WWOX: variants seen among roughly 807,000 people sequenced by gnomAD.
WWOX encodes the protein WW domain containing oxidoreductase.
A neutral mutation model predicts 46.2 loss-of-function variants in WWOX; 69 were observed. The ratio of observed to expected loss-of-function variants is 1.49; its 90% confidence interval spans 1.23 to 1.82. The LOEUF is 1.82. WWOX is among the 40% of genes most tolerant of loss of function. The pLI is 0.00. For synonymous variants in WWOX, 359 were observed against 202.6 expected (o/e 1.77, Z -6.56); for missense variants, 919 against 542.6 (o/e 1.69, Z -6.89).
intron 8 of WWOX, among the ~76,000 whole-genome samples, chr16:78,543,635 C>A (rs961967630): frequency 6.6e-6 from 1 of 152,188 alleles, no homozygotes; most frequent in Non-Finnish European, 1.5e-5. Flanking sequence ...GCCAAGGGCA[C>A]TTCTCAATAT....
chr16:79,072,448 A>C (rs1026457727), intron 8 of WWOX, among the ~76,000 whole-genome samples: 3 of 152,216 alleles, frequency 2.0e-5, no homozygotes, highest in Non-Finnish European at 4.4e-5. Context: ...CTACTTTGCA[A>C]CATAGACTTG....
chr16:78,215,432 A>T (rs2036688256), intron 5 of WWOX, among the ~76,000 whole-genome samples: 1 of 152,050 alleles, frequency 6.6e-6, no homozygotes, highest in South Asian at 2.1e-4. Flanking sequence ...GTGAGATCTG[A>T]TAGTTTTATA....
intron 8 of WWOX, among the ~76,000 whole-genome samples, chr16:79,143,148 A>T (rs913184936): frequency 1.3e-5 from 2 of 152,228 alleles, no homozygotes; most frequent in African/African-American, 4.8e-5. Flanking sequence ...CTGGTCTTCC[A>T]AATTTAATGC....
At chr16:78,525,730 T>C (rs1484168811) in intron 8 of WWOX, 2 of 151,922 alleles carry the variant, frequency 1.3e-5, no homozygotes, top group African/African-American at 4.8e-5. Context: ...CATAAGCTAC[T>C]AGGGCCACAT....
intron 8 of WWOX, among the ~76,000 whole-genome samples, chr16:78,704,170 C>G (rs571780347): frequency 6.6e-6 from 1 of 151,748 alleles, no homozygotes; most frequent in Admixed American, 6.6e-5. Context: ...GCTGTGTTCC[C>G]TGTGGCAACT....
chr16:78,806,758 A>T (rs1277171650), intron 8 of WWOX, among the ~76,000 whole-genome samples: 1 of 152,112 alleles, frequency 6.6e-6, no homozygotes, highest in Non-Finnish European at 1.5e-5. Flanking sequence ...GACCCACCCC[A>T]ACCAGGTTTG....
At chr16:78,948,262 A>G (rs8062102) in intron 8 of WWOX, among the ~76,000 whole-genome samples, 19,646 of 152,148 alleles carry the variant, frequency 0.13, 1,288 homozygotes, top group Middle Eastern at 0.23. Context: ...ACCACTAGCT[A>G]TTATTTATTT....
At chr16:78,679,555 C>G (rs376138617) in intron 8 of WWOX, among the ~76,000 whole-genome samples, 3 of 151,926 alleles carry the variant, frequency 2.0e-5, no homozygotes, top group East Asian at 1.9e-4. Context: ...CATCTCAAAA[C>G]ATAAGTAAAT....
intron 8 of WWOX, among the ~76,000 whole-genome samples, chr16:78,865,599 C>T (rs895047463): frequency 1.3e-5 from 2 of 152,116 alleles, no homozygotes; most frequent in Non-Finnish European, 2.9e-5. Flanking sequence ...TGTGGCCGGC[C>T]AGGTGCAGTG....
intron 8 of WWOX, among the ~76,000 whole-genome samples, chr16:78,678,263 C>G (rs1388485980): frequency 6.6e-6 from 1 of 152,140 alleles, no homozygotes; most frequent in African/African-American, 2.4e-5. Context: ...GTAATCCTGG[C>G]TACTCAGGAG....
At chr16:78,107,021 A>G (rs560361278) in intron 1 of WWOX, among the ~76,000 whole-genome samples, 16 of 152,334 alleles carry the variant, frequency 1.1e-4, no homozygotes, top group African/African-American at 3.8e-4. Flanking sequence ...CAGTTCATGA[A>G]AAGACCTTGC....
intron 8 of WWOX, among the ~76,000 whole-genome samples, chr16:78,619,378 AG>A (rs2046120643): frequency 7.2e-6 from 1 of 138,922 alleles, no homozygotes; most frequent in African/African-American, 2.7e-5. Context: ...AAAAAAAAAA[AG>A]TGTAATGCAA....
chr16:78,317,067 G>A (rs1336627867), intron 5 of WWOX, among the ~76,000 whole-genome samples: 1 of 152,186 alleles, frequency 6.6e-6, no homozygotes, highest in Non-Finnish European at 1.5e-5. Flanking sequence ...GGCCAGTGGT[G>A]GGATAAGGGA....
At chr16:78,328,171 G>C (rs1682547790) in intron 5 of WWOX, among the ~76,000 whole-genome samples, 1 of 152,070 alleles carries the variant, frequency 6.6e-6, no homozygotes, top group Non-Finnish European at 1.5e-5. Context: ...CTCTGTACCT[G>C]AGTTCTGATT....
chr16:78,345,568 A>T (rs2081081467), intron 5 of WWOX, among the ~76,000 whole-genome samples: 1 of 91,462 alleles, frequency 1.1e-5, no homozygotes, highest in Non-Finnish European at 2.5e-5. Context: ...TGAACCTGGG[A>T]AGTCAAGGCT....
chr16:78,806,965 C>T (rs150665949), intron 8 of WWOX, among the ~76,000 whole-genome samples: 2 of 152,308 alleles, frequency 1.3e-5, no homozygotes, highest in East Asian at 3.9e-4. Context: ...TCTTACTAGC[C>T]ACATGACTGG....
intron 8 of WWOX, among the ~76,000 whole-genome samples, chr16:78,882,202 T>C (rs982793937): frequency 6.6e-6 from 1 of 152,224 alleles, no homozygotes; most frequent in African/African-American, 2.4e-5. Flanking sequence ...AGAATAAGTG[T>C]CATAAAGCCA....
At chr16:78,948,575 C>T (rs927576358) in intron 8 of WWOX, among the ~76,000 whole-genome samples, 1 of 152,096 alleles carries the variant, frequency 6.6e-6, no homozygotes, top group Non-Finnish European at 1.5e-5. Flanking sequence ...ATGCCTGCTG[C>T]CTCCTCATCC....
chr16:78,115,655 T>G (rs2032743770), intron 4 of WWOX, among the ~76,000 whole-genome samples: 1 of 152,192 alleles, frequency 6.6e-6, no homozygotes. Context: ...CTTCACCTCT[T>G]AATTGCCAAT....
Sources: gnomAD v4.1 joint callset for allele counts (sites outside exome capture counted in the v4.1 genomes callset) on GRCh38, gnomAD v4.1.1 for gene constraint, MANE v1.5 for transcripts, NCBI Gene and HGNC (gene_info 2026-07-23, HGNC 2026-07-21) for gene names.